The following ZNF469 variants were observed in gnomAD, a reference collection of about 807,000 sequenced individuals.
The protein encoded by ZNF469 is zinc finger protein 469.
In ZNF469, 1 loss-of-function variant was observed where a neutral mutation model predicts 1.0. The observed-to-expected ratio is 1.00, with a 90% CI of 0.35 to 4.73. The LOEUF is 4.73. Among genes scored for constraint, ZNF469 ranks in the 30% most tolerant of loss-of-function variants. The pLI is 0.16. For synonymous variants in ZNF469, 2,703 were observed against 2,363.4 expected (o/e 1.14, Z -4.17); for missense variants, 6,100 against 5,356.3 (o/e 1.14, Z -4.33).
the ZNF469 span, among the ~76,000 whole-genome samples, chr16:88,176,890 T>C: frequency 1.8e-4 from 28 of 152,202 alleles, no homozygotes; most frequent in African/African-American, 6.3e-4. Flanking sequence ...GGATCGTAAA[T>C]GCAGAAACGA....
chr16:88,188,733 G>C, the ZNF469 span, among the ~76,000 whole-genome samples: 1 of 152,172 alleles, frequency 6.6e-6, no homozygotes, highest in Non-Finnish European at 1.5e-5. Flanking sequence ...TGCCCCTGTA[G>C]CTCTCGGGAG....
At chr16:88,385,919 T>C (rs1176779174) in intron 1 of ZNF469, among the ~76,000 whole-genome samples, 2 of 152,188 alleles carry the variant, frequency 1.3e-5, no homozygotes, top group African/African-American at 2.4e-5. Context: ...TACCAGCTGC[T>C]GTGGTTGCAG....
chr16:88,271,536 T>C, the ZNF469 span, among the ~76,000 whole-genome samples: 14,787 of 107,778 alleles, frequency 0.14, 1,742 homozygotes, highest in East Asian at 0.21. Context: ...GAAAGGAAGC[T>C]GCCTGATGAC....
In ZNF469 at chr16:88,430,299, G is replaced by C. The variant is rs2142302534; in HGVS notation, c.2829G>C (p.Arg943Ser). The change falls in exon 3 of 3, where the codon AGG becomes AGC. Residue 943 changes from arginine (R) to serine (S), a missense_variant. Transcript: ENST00000565624. ...PTEADAPSQG[R>S]QQRRGKQLKL... ...AGGCGGATGCGCCCAGCCAGGGCAG[G>C]CAGCAGAGGAGGGGGAAGCAGTTGA... is the stretch of plus-strand genomic sequence containing the variant. 1 of 1,514,250 alleles carries C rather than the reference G, an allele frequency of 6.6e-7. No individual in the cohort carries two copies. Among genetic ancestry groups the C allele is most frequent in the East Asian group, 2.5e-5 (1 of 40,588 alleles). 93.8% of individuals were successfully genotyped at this position (1,514,250 alleles called of 1,614,324 possible).
Position 88,437,166 on chromosome 16 carries a change from G to C in ZNF469, c.9696G>C (p.Thr3232=). The C allele has an allele frequency of 1.3e-6, 2 of 1,549,410 alleles. No individual in the cohort carries two copies. The highest frequency in any genetic ancestry group is 1.7e-6 in the Non-Finnish European group (2 of 1,146,602). The change falls in exon 3 of 3, where the codon ACG becomes ACC. Residue 3232 remains threonine, a synonymous_variant. Coordinates refer to ENST00000565624, the MANE Select transcript of ZNF469 (RefSeq NM_001367624.2). ...SAVAHLLNSI[T]EPAPKHHRGK... ...TCGCCCACCTTCTGAACAGCATCAC[G>C]GAACCCGCGCCCAAACACCACAGGG...
chr16:88,256,937 T>C, the ZNF469 span, among the ~76,000 whole-genome samples: 2 of 3,664 alleles, frequency 5.5e-4, no homozygotes, highest in African/African-American at 8.7e-4. Flanking sequence ...TTTCTTTCTT[T>C]CTTTCTTTCT....
the ZNF469 span, among the ~76,000 whole-genome samples, chr16:88,155,415 A>G: frequency 6.6e-6 from 1 of 152,366 alleles, no homozygotes; most frequent in East Asian, 1.9e-4. Flanking sequence ...AATCAATTTT[A>G]GAGCATTCTT....
rs555560996 is a variant in ZNF469, at chr16:88,417,901, C to T, written c.-191-6906C>T. Among the ~76,000 whole-genome samples, 12 of 152,312 alleles carry T rather than the reference C, an allele frequency of 7.9e-5. No homozygotes were observed. In the South Asian group the frequency reaches 1.0e-3, roughly 13 times the overall value. The stretch of plus-strand genomic sequence containing the variant: ...GTATGCACGTATGAGCATGTGCTCA[C>T]GCGTGTGCATGGATGAGCATGCATA... On this transcript the variant is annotated intron_variant, in intron 1 of 2. Transcript: ENST00000565624.
Position 88,432,788 on chromosome 16 carries a change from G to A in ZNF469, c.5318G>A (p.Arg1773Lys), listed in dbSNP as rs1234933921. The A allele has an allele frequency of 1.3e-6, 2 of 1,550,396 alleles. No homozygotes were observed. The highest frequency in any genetic ancestry group is 4.9e-5 in the East Asian group (2 of 40,924). Residue 1773 changes from arginine (R) to lysine (K), a missense_variant, in exon 3 of 3, where the codon AGA becomes AAA. By Grantham distance (26) the Arg-to-Lys change is conservative. Coordinates refer to ENST00000565624, the MANE Select transcript of ZNF469 (RefSeq NM_001367624.2). ...DSLRLLPCEQ[R>K]GGFLPEPGTA... ...CTGCGGCTGCTTCCCTGTGAACAGA[G>A]AGGAGGGTTCCTCCCAGAGCCCGGC...
chr16:88,313,676 G>A, the ZNF469 span, among the ~76,000 whole-genome samples: 1 of 151,794 alleles, frequency 6.6e-6, no homozygotes, highest in South Asian at 2.1e-4. Context: ...CTGTAATTAA[G>A]ACAATGCTGG....
the ZNF469 span, among the ~76,000 whole-genome samples, chr16:88,208,536 G>T: frequency 1.2e-5 from 1 of 81,546 alleles, no homozygotes; most frequent in Non-Finnish European, 2.5e-5. Context: ...GAGAGAGAGG[G>T]AAGAAGGAAG....
At chr16:88,260,012 C>G in the ZNF469 span, among the ~76,000 whole-genome samples, 1 of 152,102 alleles carries the variant, frequency 6.6e-6, no homozygotes, top group African/African-American at 2.4e-5. The surrounding 1 kb of genome is among the most constrained non-coding windows in gnomAD (Gnocchi z 4.1). Flanking sequence ...GAGTCTCACT[C>G]TGTCACCCAG....
At chr16:88,199,790 G>A in the ZNF469 span, among the ~76,000 whole-genome samples, 2 of 152,172 alleles carry the variant, frequency 1.3e-5, no homozygotes, top group African/African-American at 2.4e-5. Flanking sequence ...GTGGCTCCAG[G>A]GACTCAGCGT....
At chr16:88,380,745 CAG>C (rs1170704513), upstream of ZNF469, among the ~76,000 whole-genome samples, 27 of 148,636 alleles carry the variant, frequency 1.8e-4, no homozygotes, top group South Asian at 6.5e-4. Flanking sequence ...CACTCACACA[CAG>C]ACATGCACTC....
At position 88,439,061 on chromosome 16, in the gene ZNF469, C is replaced by T; in HGVS notation, c.11591C>T (p.Pro3864Leu). 2 of 1,550,700 alleles carry T rather than the reference C, an allele frequency of 1.3e-6. No homozygotes were observed. The highest frequency in any genetic ancestry group is 1.7e-6 in the Non-Finnish European group (2 of 1,146,990). The part of the protein sequence containing the change: ...PSRVLPTKPK[P>L]NSQNKPRPPP... ...CGCGTGCTCCCGACCAAGCCCAAGCCCAACAGCCAGAACAAACCCAGGCCG... is the reference window on the plus strand; with the variant it reads ...CGCGTGCTCCCGACCAAGCCCAAGCTCAACAGCCAGAACAAACCCAGGCCG... Residue 3864 changes from proline (P) to leucine (L), a missense_variant, in exon 3 of 3, where the codon CCC becomes CTC. Pro to Leu is a moderately conservative substitution (Grantham distance 98). Transcript: ENST00000565624.
chr16:88,382,008 C>G (rs1567496434), upstream of ZNF469, among the ~76,000 whole-genome samples: 1 of 152,238 alleles, frequency 6.6e-6, no homozygotes, highest in African/African-American at 2.4e-5. Context: ...TCCCGGGGGA[C>G]CTTTGTCTGA....
chr16:88,431,596 T>A lies in ZNF469; in HGVS notation c.4126T>A (p.Tyr1376Asn), dbSNP rs547723365. ...AGTTGCCAAAAAGGGGCCTCAGCCC[T>A]ACAGCAGCCCCCACAGTGAGTTGTT... Reference protein sequence around the residue: ...VPVAKKGPQPYSSPHSELFLG... With the variant: ...VPVAKKGPQPNSSPHSELFLG... Residue 1376 changes from tyrosine to asparagine, a missense_variant, in exon 3 of 3, where the codon TAC (tyrosine) becomes AAC (asparagine). Transcript: ENST00000565624. 2.6e-5 allele frequency: 41 copies of A among 1,550,472 alleles called. 2 individuals carry two copies. In the South Asian group the frequency reaches 4.8e-4, roughly 18 times the overall value.
At position 88,427,616 on chromosome 16, in the gene ZNF469, G is replaced by C; in HGVS notation, c.146G>C (p.Arg49Thr). Residue 49 changes from arginine (R) to threonine (T), a missense_variant, in exon 3 of 3, where the codon AGG becomes ACG. Physicochemically the swap from Arg to Thr is moderately conservative, Grantham distance 71. Transcript: ENST00000565624. ...TPATRTTKGA[R>T]EAGGQAQAME... ...GCTACCAGGACCACCAAGGGTGCCA[G>C]GGAGGCTGGCGGCCAGGCCCAGGCC... is the stretch of plus-strand genomic sequence containing the variant. The C allele has an allele frequency of 6.5e-7, 1 of 1,537,374 alleles. No individual in the cohort carries two copies. Among genetic ancestry groups the C allele is most frequent in the Non-Finnish European group, 8.7e-7 (1 of 1,146,518 alleles).
chr16:88,418,203 G>A (rs1905355238), intron 1 of ZNF469, among the ~76,000 whole-genome samples: 1 of 152,250 alleles, frequency 6.6e-6, no homozygotes. Context: ...ACAGGGGACA[G>A]TACAGCAGCA....
Sources: allele counts gnomAD v4.1 joint callset (sites outside exome capture counted in the v4.1 genomes callset), GRCh38; gene constraint gnomAD v4.1.1; non-coding constraint Gnocchi (gnomAD v3.1); transcripts MANE v1.5; gene names NCBI Gene and HGNC (gene_info 2026-07-23, HGNC 2026-07-21).